HPSE2: variants seen among roughly 807,000 people sequenced by gnomAD.
The protein encoded by HPSE2 is inactive heparanase-2.
Under a neutral mutation model 60.5 loss-of-function variants are expected in HPSE2, and 38 were observed. That is an observed-to-expected ratio of 0.63 (90% CI 0.48 to 0.82). The LOEUF is 0.82. HPSE2 is among the 40% of genes least tolerant of loss of function. HPSE2 has a pLI of 0.00. For missense variants in HPSE2, 713 were observed against 740.4 expected (o/e 0.96, Z 0.43); for synonymous variants, 295 against 293.2 (o/e 1.01, Z -0.06).
the HPSE2 span, among the ~76,000 whole-genome samples, chr10:99,254,530 C>T: frequency 6.6e-6 from 1 of 151,944 alleles, no homozygotes. Context: ...ACATGTACCT[C>T]CCAAATCTAA....
rs534507808 is a variant in HPSE2 at position 99,132,580 on chromosome 10, A to T, written c.610+11658T>A. Among the ~76,000 whole-genome samples the T allele has an allele frequency of 4.6e-5, 7 of 152,216 alleles. No individual in the cohort carries two copies. The East Asian group carries it at 1.4e-3, about 30-fold the overall frequency. Reference sequence around the variant, plus strand: ...TTGGGTCTGGTTGGATAGTAGGTGCAGCCCATGGAGAGCAAGACGAAGGAG... The same window carrying T: ...TTGGGTCTGGTTGGATAGTAGGTGCTGCCCATGGAGAGCAAGACGAAGGAG... On this transcript the variant is annotated intron_variant, in intron 3 of 11. Transcript: ENST00000370552.
At chr10:99,222,137 G>C (rs772884580) in intron 2 of HPSE2, among the ~76,000 whole-genome samples, 6 of 151,966 alleles carry the variant, frequency 3.9e-5, no homozygotes, top group Non-Finnish European at 8.8e-5. Flanking sequence ...TCCTCTAGGG[G>C]AAAGGCCTTT....
the HPSE2 span, among the ~76,000 whole-genome samples, chr10:99,281,391 C>T: frequency 6.6e-6 from 1 of 151,350 alleles, no homozygotes; most frequent in Non-Finnish European, 1.5e-5. Flanking sequence ...TCTGCTACCT[C>T]ATTTGAGAAC....
intron 9 of HPSE2, among the ~76,000 whole-genome samples, chr10:98,521,786 T>C (rs1036191671): frequency 1.3e-5 from 2 of 152,160 alleles, no homozygotes; most frequent in African/African-American, 4.8e-5. Context: ...ATATACACCA[T>C]AGAATACTAT....
At position 98,973,923 on chromosome 10, in the gene HPSE2, T is replaced by A. The variant is rs568254044; in HGVS notation, c.610+170315A>T. Among the ~76,000 whole-genome samples, 35 of 152,292 alleles carry A rather than the reference T, an allele frequency of 2.3e-4. No homozygotes were observed. The South Asian group carries it at 7.1e-3, about 31-fold the overall frequency. On this transcript the variant is annotated intron_variant, in intron 3 of 11. Transcript: ENST00000370552. ...ATCCTCATCATCCTCCATACCCCTA[T>A]TACCAATACACCAACCACTTACACA...
chr10:99,151,486 C>G (rs1257690877), intron 2 of HPSE2, among the ~76,000 whole-genome samples: 1 of 152,082 alleles, frequency 6.6e-6, no homozygotes. Context: ...TCCACAGATT[C>G]AAGAAGTACA....
chr10:99,148,682 C>T (rs912509791), intron 2 of HPSE2, among the ~76,000 whole-genome samples: 3 of 152,086 alleles, frequency 2.0e-5, no homozygotes, highest in Admixed American at 6.6e-5. Flanking sequence ...CCCAGCTACT[C>T]GGGAGGCTGA....
At chr10:99,226,120 G>A (rs1849463854) in intron 2 of HPSE2, among the ~76,000 whole-genome samples, 1 of 151,836 alleles carries the variant, frequency 6.6e-6, no homozygotes, top group Non-Finnish European at 1.5e-5. Flanking sequence ...ATGTAGCCAG[G>A]GTGGTCTCCT....
intron 9 of HPSE2, among the ~76,000 whole-genome samples, chr10:98,512,892 C>G (rs907104684): frequency 6.6e-6 from 1 of 151,312 alleles, no homozygotes; most frequent in African/African-American, 2.4e-5. Context: ...GGTCATTTTC[C>G]CATGGAAGCC....
At chr10:99,253,846 G>A in the HPSE2 span, among the ~76,000 whole-genome samples, 24 of 151,914 alleles carry the variant, frequency 1.6e-4, no homozygotes, top group Non-Finnish European at 7.4e-5. Context: ...CAGCCAACAA[G>A]CATTTAAGAG....
At chr10:99,035,466 G>T (rs781721276) in intron 3 of HPSE2, among the ~76,000 whole-genome samples, 46 of 152,278 alleles carry the variant, frequency 3.0e-4, no homozygotes, top group Non-Finnish European at 5.3e-4. Flanking sequence ...CCTTCTGGAG[G>T]ACCTGCCTGA....
chr10:98,820,236 C>A (rs1239609464), intron 3 of HPSE2, among the ~76,000 whole-genome samples: 1 of 152,050 alleles, frequency 6.6e-6, no homozygotes, highest in Non-Finnish European at 1.5e-5. Context: ...ATGTTGATGA[C>A]CTCCTTCTTT....
At chr10:98,685,739 T>C (rs541376431) in intron 6 of HPSE2, among the ~76,000 whole-genome samples, 1 of 152,330 alleles carries the variant, frequency 6.6e-6, no homozygotes, top group Non-Finnish European at 1.5e-5. Context: ...TGGTGGCATA[T>C]GTTTTCATTT....
At chr10:98,506,266 C>A (rs1942196752) in intron 9 of HPSE2, among the ~76,000 whole-genome samples, 1 of 152,052 alleles carries the variant, frequency 6.6e-6, no homozygotes, top group Non-Finnish European at 1.5e-5. Flanking sequence ...GAAAATAAAT[C>A]TTTAATGGAG....
In HPSE2 at chr10:98,899,435, A is replaced by G. The variant is rs183218694; in HGVS notation, c.611-155379T>C. ...TATATCTGATAAAGGACTTGTATCC[A>G]GATGATATAAACAACCCTTAAAACT... On this transcript the variant is annotated intron_variant, in intron 3 of 11. Transcript: ENST00000370552. 5.1e-3 allele frequency among the ~76,000 whole-genome samples: 771 copies of G among 152,350 alleles called. 7 individuals carry two copies. Among genetic ancestry groups the G allele is most frequent in the African/African-American group, 0.018 (739 of 41,596 alleles).
chr10:98,894,845 C>T (rs113036773), intron 3 of HPSE2, among the ~76,000 whole-genome samples: 7 of 150,710 alleles, frequency 4.6e-5, no homozygotes, highest in African/African-American at 1.2e-4. Flanking sequence ...AAATACAAAA[C>T]ATCAAAGACA....
intron 3 of HPSE2, among the ~76,000 whole-genome samples, chr10:98,818,197 AT>A (rs1478770592): frequency 9.2e-5 from 14 of 152,190 alleles, no homozygotes; most frequent in Non-Finnish European, 1.6e-4. Context: ...CATCAGCACA[AT>A]GTTAGATGGC....
At chr10:98,596,323 T>A (rs1480399282) in intron 9 of HPSE2, among the ~76,000 whole-genome samples, 1 of 125,342 alleles carries the variant, frequency 8.0e-6, no homozygotes, top group Non-Finnish European at 1.7e-5. Context: ...TTGTTGCTAT[T>A]GTTATTTTTA....
At chr10:98,956,525 G>A (rs1303096855) in intron 3 of HPSE2, among the ~76,000 whole-genome samples, 2 of 152,108 alleles carry the variant, frequency 1.3e-5, no homozygotes, top group Admixed American at 1.3e-4. Flanking sequence ...AGAGACTCAG[G>A]CTTTCCAAAT....
Sources: allele counts gnomAD v4.1 joint callset (sites outside exome capture counted in the v4.1 genomes callset), GRCh38; gene constraint gnomAD v4.1.1; transcripts MANE v1.5; gene names NCBI Gene and HGNC (gene_info 2026-07-23, HGNC 2026-07-21).